Variants in GSAP observed in about 807,000 individuals in gnomAD.
GSAP encodes gamma-secretase activating protein.
Under a neutral mutation model 131.7 loss-of-function variants are expected in GSAP, and 118 were observed. The ratio of observed to expected loss-of-function variants is 0.90; its 90% CI spans 0.77 to 1.04. The LOEUF (loss-of-function observed/expected upper bound fraction) is 1.04. GSAP is among the 50% of genes least tolerant of loss of function. The pLI, the probability that GSAP is intolerant of heterozygous loss-of-function variation, is 0.00. For synonymous variants in GSAP, 381 were observed against 363.4 expected (o/e 1.05, Z -0.55); for missense variants, 1,019 against 1,013.2 (o/e 1.01, Z -0.08).
chr7:77,320,083 T>C (rs906538564), intron 26 of GSAP, among the ~76,000 whole-genome samples: 4 of 152,188 alleles, frequency 2.6e-5, no homozygotes, highest in Non-Finnish European at 4.4e-5. Flanking sequence ...AGACAGTTTA[T>C]AGCTAACAGG....
At chr7:77,346,248 C>T (rs1439906124) in intron 19 of GSAP, among the ~76,000 whole-genome samples, 44 of 99,802 alleles carry the variant, frequency 4.4e-4, no homozygotes, top group Non-Finnish European at 3.3e-4. Context: ...CCAGCCTGGG[C>T]AACGAGAATG....
At chr7:77,344,965 T>A (rs1791576472) in intron 19 of GSAP, among the ~76,000 whole-genome samples, 1 of 152,210 alleles carries the variant, frequency 6.6e-6, no homozygotes, top group Admixed American at 6.5e-5. Flanking sequence ...GGACTCTGTA[T>A]ATTTTTAAAT....
chr7:77,313,007 TCTCTCA>T (rs1562878236), intron 28 of GSAP, among the ~76,000 whole-genome samples: 1 of 152,212 alleles, frequency 6.6e-6, no homozygotes, highest in Non-Finnish European at 1.5e-5. Context: ...TTTCATAGTA[TCTCTCA>T]CTCTAAGTGT....
chr7:77,314,107 G>A (rs1794710787), intron 27 of GSAP, among the ~76,000 whole-genome samples: 1 of 152,182 alleles, frequency 6.6e-6, no homozygotes, highest in Non-Finnish European at 1.5e-5. Flanking sequence ...ACCTTAAATT[G>A]GCCCAAAAGA....
At chr7:77,334,808 G>A (rs1193543892) in intron 19 of GSAP, among the ~76,000 whole-genome samples, 1 of 152,154 alleles carries the variant, frequency 6.6e-6, no homozygotes, top group Non-Finnish European at 1.5e-5. Flanking sequence ...TACCCGGCCA[G>A]GCATGGTGGC....
At chr7:77,353,505 T>G in intron 17 of GSAP, 67 bp downstream of exon 17, 1 of 998,594 alleles carries the variant, frequency 1.0e-6, no homozygotes, top group Non-Finnish European at 1.6e-6. Context: ...TCACTATCAA[T>G]TTACTGCTTT....
intron 28 of GSAP, among the ~76,000 whole-genome samples, chr7:77,313,284 G>T (rs1794606998): frequency 4.0e-5 from 6 of 150,774 alleles, no homozygotes; most frequent in Admixed American, 3.9e-4. Context: ...AGGCAGTGCA[G>T]AGCCAGAGAG....
chr7:77,391,100 G>A (rs1686922211), intron 5 of GSAP, among the ~76,000 whole-genome samples: 2 of 135,244 alleles, frequency 1.5e-5, no homozygotes, highest in Non-Finnish European at 3.1e-5. Flanking sequence ...GCACTCCAGC[G>A]TGGGCAACAG....
chr7:77,397,043 A>T lies in GSAP; in HGVS notation c.314-8T>A. The T allele has an allele frequency of 6.3e-7, 1 of 1,575,882 alleles. No homozygotes were observed. Among genetic ancestry groups the T allele is most frequent in the Non-Finnish European group, 8.7e-7 (1 of 1,151,572 alleles). ...ACTGAACTAAACTTGCAGCTAATGG[A>T]AAAAGAAAAAAAATCCATTAGCAAT... On this transcript the variant is annotated splice_polypyrimidine_tract_variant and splice_region_variant and intron_variant, in intron 4 of 30. Transcript: ENST00000257626.
intron 24 of GSAP, among the ~76,000 whole-genome samples, chr7:77,322,651 A>G (rs933754175): frequency 6.6e-6 from 1 of 150,538 alleles, no homozygotes; most frequent in Non-Finnish European, 1.5e-5. Flanking sequence ...CACATTCATC[A>G]AGTGAGTTCC....
rs1202744835 is a variant in GSAP at position 77,349,383 on chromosome 7, C to T, written c.1513G>A (p.Val505Met). 6.2e-7 allele frequency: 1 copy of T among 1,613,202 alleles called. No homozygotes were observed. Among genetic ancestry groups the T allele is most frequent in the East Asian group, 2.2e-5 (1 of 44,862 alleles). The change falls in exon 19 of 31, where the codon GTG (valine) becomes ATG (methionine). Residue 505 changes from valine (V) to methionine (M), a missense_variant. Physicochemically the swap from Val to Met is conservative, Grantham distance 21. Transcript: ENST00000257626. Reference protein sequence around the residue: ...WNTEIPGITLVTEDIALPLMK... With the variant: ...WNTEIPGITLMTEDIALPLMK... ...AGAGGCAATGCAATGTCTTCTGTCA[C>T]AAGAGTTATTCCAGGAATTTCCTAT...
intron 14 of GSAP, 75 bp from the exon 15 acceptor site, chr7:77,355,722 C>A: frequency 1.2e-6 from 1 of 850,320 alleles, no homozygotes. Flanking sequence ...ATTATCCCTG[C>A]TTGTCTCTGA....
At chr7:77,367,193 C>A (rs1298604065) in intron 12 of GSAP, among the ~76,000 whole-genome samples, 1 of 152,160 alleles carries the variant, frequency 6.6e-6, no homozygotes, top group Non-Finnish European at 1.5e-5. Context: ...TCCTCTCTTC[C>A]TATTTGGGAT....
At chr7:77,411,100 A>T (rs1209443769) in intron 1 of GSAP, among the ~76,000 whole-genome samples, 4 of 28,890 alleles carry the variant, frequency 1.4e-4, no homozygotes, top group East Asian at 8.9e-3. Flanking sequence ...GAAAATAGTA[A>T]AAAAAAAAAA....
At chr7:77,357,383 A>T (rs1047781677) in intron 14 of GSAP, among the ~76,000 whole-genome samples, 5 of 152,318 alleles carry the variant, frequency 3.3e-5, no homozygotes, top group African/African-American at 1.2e-4. Flanking sequence ...TGAGATGGGG[A>T]GACTATCCTG....
At chr7:77,378,038 T>C (rs1169441465) in intron 8 of GSAP, among the ~76,000 whole-genome samples, 1 of 152,254 alleles carries the variant, frequency 6.6e-6, no homozygotes, top group Admixed American at 6.5e-5. Flanking sequence ...TGTTTTCCAA[T>C]GGTGCATTGG....
intron 1 of GSAP, among the ~76,000 whole-genome samples, chr7:77,410,574 T>C (rs1490109898): frequency 1.3e-5 from 2 of 152,204 alleles, no homozygotes; most frequent in Non-Finnish European, 2.9e-5. Flanking sequence ...TAGGTAAACC[T>C]ATAAAAGAAA....
chr7:77,352,291 T>A (rs1352239935), intron 18 of GSAP, among the ~76,000 whole-genome samples: 1 of 152,264 alleles, frequency 6.6e-6, no homozygotes, highest in South Asian at 2.1e-4. Context: ...GTAGTTCTAA[T>A]ATCTAAATAA....
Position 77,320,774 on chromosome 7 carries a change from C to T in GSAP, c.2040G>A (p.Met680Ile), listed in dbSNP as rs1378827063. Reference protein sequence around the residue: ...SAAEFAVFHIMTRILEATNSL... With the variant: ...SAAEFAVFHIITRILEATNSL... ...TGTTTGTAGCTTCCAGAATCCTGGT[C>T]ATGATGTGAAAAACTGCAAATTCAG... The change falls in exon 26 of 31, where the codon ATG becomes ATA. Residue 680 changes from methionine to isoleucine, a missense_variant. Met to Ile is a conservative substitution (Grantham distance 10). Coordinates refer to ENST00000257626, the MANE Select transcript of GSAP (RefSeq NM_017439.4). 8.1e-6 allele frequency: 13 copies of T among 1,612,750 alleles called. No homozygotes were observed. Among genetic ancestry groups the T allele is most frequent in the Non-Finnish European group, 1.1e-5 (13 of 1,178,884 alleles).
Sources: allele counts gnomAD v4.1 joint callset (sites outside exome capture counted in the v4.1 genomes callset), GRCh38; gene constraint gnomAD v4.1.1; transcripts MANE v1.5; gene names NCBI Gene and HGNC (gene_info 2026-07-23, HGNC 2026-07-21).